Variants in CC2D2A observed in about 807,000 individuals in gnomAD.
CC2D2A encodes coiled-coil and C2 domain containing 2A, also known as coiled-coil and C2 domain-containing protein 2A.
CC2D2A carries 155 observed loss-of-function variants against 212.9 expected under a neutral mutation model. The ratio of observed to expected loss-of-function variants is 0.73; its 90% CI spans 0.64 to 0.83. The LOEUF is 0.83. Among genes scored for constraint, CC2D2A ranks in the 40% least tolerant of loss-of-function variants. The pLI is 0.00. For synonymous variants in CC2D2A, 667 were observed against 686.5 expected, an observed-to-expected ratio of 0.97 and a Z score of 0.44; for missense variants, 1,856 against 1,956.2, an observed-to-expected ratio of 0.95 and a Z score of 0.97.
rs188593920 is a variant in CC2D2A, at chr4:15,590,259, A to C, written c.4314+580A>C. Among the ~76,000 whole-genome samples, 25 of 152,326 alleles carry C rather than the reference A, an allele frequency of 1.6e-4. No individual in the cohort carries two copies. The East Asian group carries it at 4.8e-3, about 29-fold the overall frequency. On this transcript the variant is annotated intron_variant, in intron 33 of 36. Transcript: ENST00000424120. ...GCTGGGCGCTGTGGCTCATGCCTGT[A>C]ATCCCAGCACTTTGGGAGGCCAAGG... is the stretch of plus-strand genomic sequence containing the variant.
At chr4:15,577,154 A>G (rs1720451313) in intron 29 of CC2D2A, among the ~76,000 whole-genome samples, 1 of 152,108 alleles carries the variant, frequency 6.6e-6, no homozygotes, top group Non-Finnish European at 1.5e-5. Context: ...CACTAGGCAC[A>G]GCTAATTTTG....
chr4:15,550,844 C>A lies in CC2D2A; in HGVS notation c.2202C>A (p.His734Gln). ...LTLQVYETVG[H>Q]SSPTLLAEVF... ...TTCAGGTCTATGAAACTGTCGGACA[C>A]AGTAGTCCCACCTTGCTAGCAGAAG... is the stretch of plus-strand genomic sequence containing the variant. Residue 734 changes from histidine to glutamine, a missense_variant, in exon 18 of 37, where the codon CAC becomes CAA. By Grantham distance (24) the His-to-Gln change is conservative. This residue lies in a region of CC2D2A where 1,512 missense variants were observed against 1,579.3 expected (regional missense o/e 0.96). Transcript: ENST00000424120. The A allele has an allele frequency of 6.3e-7, 1 of 1,585,050 alleles. No homozygotes were observed. Among genetic ancestry groups the A allele is most frequent in the South Asian group, 1.1e-5 (1 of 88,962 alleles).
At chr4:15,552,693 G>C (rs1719068493) in intron 18 of CC2D2A, among the ~76,000 whole-genome samples, 1 of 152,088 alleles carries the variant, frequency 6.6e-6, no homozygotes, top group African/African-American at 2.4e-5. Flanking sequence ...TCAGTTTTTA[G>C]AACAGGGATT....
Position 15,574,166 on chromosome 4 carries a change from AAATAG to A in CC2D2A, c.3613_3617del (p.Ile1205TyrfsTer10). 1 of 1,546,012 alleles carries A rather than the reference AAATAG, an allele frequency of 6.5e-7. No homozygotes were observed. Among genetic ancestry groups the A allele is most frequent in the Non-Finnish European group, 8.7e-7 (1 of 1,144,892 alleles). On this transcript the variant is annotated frameshift_variant, in exon 29 of 37. Transcript: ENST00000424120. LOFTEE classifies it high-confidence loss of function. ...TCTTCACAGATTGATGGAACATTTA[AAATAG>A]ATATTCCCCCAGTTCTTCTGGGCTA...
intron 31 of CC2D2A, among the ~76,000 whole-genome samples, chr4:15,586,657 A>G (rs1720867555): frequency 6.6e-6 from 1 of 152,214 alleles, no homozygotes; most frequent in Admixed American, 6.5e-5. Flanking sequence ...CACTTACCAC[A>G]TACCAGATGC....
chr4:15,482,580 C>T (rs1026997627), intron 4 of CC2D2A, among the ~76,000 whole-genome samples: 1 of 152,074 alleles, frequency 6.6e-6, no homozygotes, highest in East Asian at 1.9e-4. Flanking sequence ...TAATCCTAAT[C>T]CTATCAGGGC....
At position 15,557,319 on chromosome 4, in the gene CC2D2A, G is replaced by C. The variant is rs760405029; in HGVS notation, c.2641G>C (p.Glu881Gln). 2.5e-6 allele frequency: 4 copies of C among 1,611,348 alleles called. No individual in the cohort carries two copies. The East Asian group carries it at 8.9e-5, about 36-fold the overall frequency. Residue 881 changes from glutamate (E) to glutamine (Q), a missense_variant, in exon 21 of 37, where the codon GAA (glutamate) becomes CAA (glutamine). Around this residue, in one of 5 missense-constraint regions of CC2D2A, gnomAD observed 1,512 missense variants for 1,579.3 expected, o/e 0.96. Transcript: ENST00000424120. ...TTTTTTATAGGTTGCTACCAGTGGT[G>C]AATCCTATGTCCCTGATTTCTTTAG... is the stretch of plus-strand genomic sequence containing the variant. ...MQLISVATSG[E>Q]SYVPDFFRLE...
At chr4:15,537,247 G>C (rs559266555) in intron 15 of CC2D2A, among the ~76,000 whole-genome samples, 171 bp downstream of exon 15, 2 of 152,266 alleles carry the variant, frequency 1.3e-5, no homozygotes, top group East Asian at 1.9e-4. Flanking sequence ...GAATTGACTG[G>C]CTAATGCATT....
In CC2D2A at chr4:15,588,063, C is replaced by T. The variant is rs748061617; in HGVS notation, c.4179+134C>T. The T allele has an allele frequency of 2.3e-3, 1,298 of 558,370 alleles. 23 individuals carry two copies. Among genetic ancestry groups the T allele is most frequent in the Middle Eastern group, 2.3e-3 (8 of 3,524 alleles). The allele number at this position is 558,370 out of a possible 1,614,324, so 34.6% of individuals were successfully genotyped here. A position where few individuals can be genotyped will look rare whatever the true frequency, so the allele number is the denominator to read the frequency against. On this transcript the variant is annotated intron_variant, in intron 32 of 36. Coordinates refer to ENST00000424120, the MANE Select transcript of CC2D2A (RefSeq NM_001378615.1). ...GGAAAGTGGCCCACAGATGCCGTAA[C>T]GGGCAGAGAGAACTACCAGTGATAA...
At chr4:15,571,405 T>C (rs1204076279) in intron 28 of CC2D2A, among the ~76,000 whole-genome samples, 1 of 152,144 alleles carries the variant, frequency 6.6e-6, no homozygotes, top group Non-Finnish European at 1.5e-5. Context: ...CTGAAATCGC[T>C]TTGAAGTCCC....
At chr4:15,501,065 A>T (rs1297607874) in intron 4 of CC2D2A, among the ~76,000 whole-genome samples, 4 of 152,052 alleles carry the variant, frequency 2.6e-5, no homozygotes. Flanking sequence ...TCGTGTTGAA[A>T]CCTCAGATTC....
intron 6 of CC2D2A, among the ~76,000 whole-genome samples, chr4:15,504,787 A>C (rs921106305): frequency 1.3e-5 from 2 of 152,242 alleles, no homozygotes; most frequent in African/African-American, 4.8e-5. Flanking sequence ...TCTTTAGACC[A>C]AGTCACATAT....
intron 21 of CC2D2A, among the ~76,000 whole-genome samples, chr4:15,558,649 G>A (rs936915152): frequency 2.6e-5 from 4 of 151,934 alleles, no homozygotes; most frequent in Non-Finnish European, 5.9e-5. Flanking sequence ...ATTCAACTGT[G>A]ACCAAAGAGT....
chr4:15,569,812 C>A (rs768057780), intron 27 of CC2D2A, among the ~76,000 whole-genome samples: 1 of 152,110 alleles, frequency 6.6e-6, no homozygotes, highest in East Asian at 1.9e-4. Context: ...CTCAAGATAC[C>A]GGGATATCAG....
chr4:15,502,524 G>A lies in CC2D2A; in HGVS notation c.336+7G>A. The A allele has an allele frequency of 1.9e-6, 3 of 1,591,118 alleles. No homozygotes were observed. Among genetic ancestry groups the A allele is most frequent in the Admixed American group, 1.8e-5 (1 of 54,240 alleles). ...GAAATTGCAAGCAGCGAGGGTGAGA[G>A]AAACCACATGAATATTCTGTTCAGT... On this transcript the variant is annotated splice_region_variant and intron_variant, in intron 5 of 36. Transcript: ENST00000424120.
chr4:15,559,678 TTTCC>T (rs1294870908), intron 22 of CC2D2A, among the ~76,000 whole-genome samples: 6 of 151,350 alleles, frequency 4.0e-5, no homozygotes, highest in Non-Finnish European at 7.4e-5. Flanking sequence ...TTTTTCCTTC[TTTCC>T]TTCCTTCCTT....
At chr4:15,513,669 C>T (rs1409881069) in intron 8 of CC2D2A, among the ~76,000 whole-genome samples, 1 of 152,194 alleles carries the variant, frequency 6.6e-6, no homozygotes, top group African/African-American at 2.4e-5. Flanking sequence ...TCGCTAGCTC[C>T]CCTTTTCTGT....
At chr4:15,544,216 G>A (rs751703482) in intron 17 of CC2D2A, among the ~76,000 whole-genome samples, 3 of 152,122 alleles carry the variant, frequency 2.0e-5, no homozygotes, top group Non-Finnish European at 4.4e-5. Context: ...GTAAAGAAAC[G>A]CAAACTCCAG....
chr4:15,497,107 T>G (rs533331418), intron 4 of CC2D2A, among the ~76,000 whole-genome samples: 2 of 152,140 alleles, frequency 1.3e-5, no homozygotes, highest in African/African-American at 4.8e-5. Context: ...ATAGCCAACA[T>G]GATCCTAAGC....
Sources: allele counts gnomAD v4.1 joint callset (sites outside exome capture counted in the v4.1 genomes callset), GRCh38; gene constraint gnomAD v4.1.1; regional missense constraint gnomAD v4.1.1; transcripts MANE v1.5; gene names NCBI Gene and HGNC (gene_info 2026-07-23, HGNC 2026-07-21).